CNTLN: variants seen among roughly 807,000 people sequenced by gnomAD.
CNTLN encodes centlein, centrosomal protein.
In CNTLN, 212 loss-of-function variants were observed where a neutral mutation model predicts 180.0. That is an observed-to-expected ratio of 1.18 (90% CI 1.05 to 1.32). The LOEUF is 1.32. CNTLN is among the 40% of genes most tolerant of loss of function. CNTLN has a pLI of 0.00. For missense variants in CNTLN, 2,095 were observed against 1,610.9 expected, an observed-to-expected ratio of 1.30 and a Z score of -5.14; for synonymous variants, 722 against 563.1, an observed-to-expected ratio of 1.28 and a Z score of -3.99.
At chr9:17,430,612 A>G (rs1953105) in intron 18 of CNTLN, among the ~76,000 whole-genome samples, 65,006 of 151,790 alleles carry the variant, frequency 0.43, 16,101 homozygotes, top group Non-Finnish European at 0.55. Flanking sequence ...TGCTAACTGT[A>G]GTTGCCCTAC....
At chr9:17,197,549 A>G (rs1484235292) in intron 2 of CNTLN, among the ~76,000 whole-genome samples, 1 of 152,134 alleles carries the variant, frequency 6.6e-6, no homozygotes, top group Non-Finnish European at 1.5e-5. Flanking sequence ...TGAGAAATAT[A>G]TATTCAGATC....
Position 17,492,597 on chromosome 9 carries a change from TAGG to T in CNTLN, c.4119+5535_4119+5537del, listed in dbSNP as rs376991446. Among the ~76,000 whole-genome samples, 619 of 152,264 alleles carry T rather than the reference TAGG, an allele frequency of 4.1e-3. 4 individuals carry two copies. The highest frequency in any genetic ancestry group is 0.014 in the African/African-American group (595 of 41,564). ...TCTAAAGTAGGAAATTAATAAGTGT[TAGG>T]AGGCAGAGAAAATTGTACACTTGTA... On this transcript the variant is annotated intron_variant, in intron 25 of 25. Coordinates refer to ENST00000380647, the MANE Select transcript of CNTLN (RefSeq NM_017738.4).
chr9:17,192,654 T>C (rs1041093494), intron 2 of CNTLN, among the ~76,000 whole-genome samples: 5 of 152,194 alleles, frequency 3.3e-5, no homozygotes, highest in African/African-American at 4.8e-5. Context: ...TTTGAAATCT[T>C]GCAGTATGGT....
chr9:17,288,854 T>G (rs1335738169), intron 6 of CNTLN, among the ~76,000 whole-genome samples: 1 of 123,874 alleles, frequency 8.1e-6, no homozygotes, highest in Non-Finnish European at 1.7e-5. Context: ...TGTTTTCCAT[T>G]TGCTTGGTAG....
At chr9:17,494,845 T>C (rs1390990401) in intron 25 of CNTLN, 1 of 402,046 alleles carries the variant, frequency 2.5e-6, no homozygotes, top group African/African-American at 2.1e-5. Flanking sequence ...AATAAATGTC[T>C]GTTACTAGTT....
intron 6 of CNTLN, among the ~76,000 whole-genome samples, chr9:17,293,622 C>T (rs557792860): frequency 6.6e-6 from 1 of 152,320 alleles, no homozygotes; most frequent in South Asian, 2.1e-4. Context: ...ATCTAGTCTT[C>T]CTGGCACTGG....
At chr9:17,157,158 T>G (rs568151496) in intron 2 of CNTLN, among the ~76,000 whole-genome samples, 1 of 152,340 alleles carries the variant, frequency 6.6e-6, no homozygotes, top group East Asian at 1.9e-4. Flanking sequence ...CCAGCATGTT[T>G]TGAGAAGACT....
chr9:17,168,466 G>A (rs1820226606), intron 2 of CNTLN: 1 of 152,060 alleles, frequency 6.6e-6, no homozygotes, highest in African/African-American at 2.4e-5. Context: ...TGGTGGTGGT[G>A]GTTGTTTTTT....
intron 18 of CNTLN, among the ~76,000 whole-genome samples, chr9:17,430,700 G>A (rs959607246): frequency 4.1e-4 from 63 of 151,902 alleles, no homozygotes; most frequent in Admixed American, 3.9e-3. Flanking sequence ...TCTTCACCCC[G>A]ACGCCTGCCA....
At chr9:17,364,279 C>T (rs1250555760) in intron 12 of CNTLN, among the ~76,000 whole-genome samples, 1 of 152,084 alleles carries the variant, frequency 6.6e-6, no homozygotes, top group Non-Finnish European at 1.5e-5. Flanking sequence ...CTTCTTATTG[C>T]AACATGTTTT....
chr9:17,156,676 A>C (rs1374633598), intron 2 of CNTLN, among the ~76,000 whole-genome samples: 1 of 152,184 alleles, frequency 6.6e-6, no homozygotes, highest in Non-Finnish European at 1.5e-5. Flanking sequence ...AGATGTTACT[A>C]TTTACAAGGC....
At chr9:17,386,890 A>G (rs1013109159) in intron 13 of CNTLN, among the ~76,000 whole-genome samples, 3 of 152,238 alleles carry the variant, frequency 2.0e-5, no homozygotes, top group African/African-American at 4.8e-5. Context: ...TTGTATTTGC[A>G]TATTATTTCT....
chr9:17,312,004 G>A (rs549036950), intron 8 of CNTLN, among the ~76,000 whole-genome samples: 60 of 59,710 alleles, frequency 1.0e-3, no homozygotes, highest in Non-Finnish European at 2.4e-3. Flanking sequence ...ATAGTCAATA[G>A]AACAAAGTCC....
intron 2 of CNTLN, among the ~76,000 whole-genome samples, chr9:17,207,018 C>G (rs1393626364): frequency 2.0e-5 from 3 of 152,114 alleles, no homozygotes; most frequent in Non-Finnish European, 4.4e-5. Context: ...ACTCTGGAGC[C>G]CAGGCTGTTG....
the CNTLN span, among the ~76,000 whole-genome samples, chr9:17,509,880 C>G: frequency 6.6e-6 from 1 of 152,084 alleles, no homozygotes. Flanking sequence ...GATTTCATTG[C>G]ACTGGAATTT....
intron 1 of CNTLN, among the ~76,000 whole-genome samples, chr9:17,139,570 G>A (rs1299031227): frequency 6.6e-6 from 1 of 151,688 alleles, no homozygotes; most frequent in Non-Finnish European, 1.5e-5. Flanking sequence ...TGAGGCAGGA[G>A]AATTGCTTGA....
intron 8 of CNTLN, among the ~76,000 whole-genome samples, chr9:17,312,369 TATA>T: frequency 2.9e-5 from 1 of 34,388 alleles, no homozygotes; most frequent in South Asian, 5.2e-4. Flanking sequence ...ATATATTATA[TATA>T]TATATATATA....
At chr9:17,417,339 C>T (rs1426458893) in intron 18 of CNTLN, among the ~76,000 whole-genome samples, 1 of 151,954 alleles carries the variant, frequency 6.6e-6, no homozygotes, top group African/African-American at 2.4e-5. Flanking sequence ...CGCTTCCTTT[C>T]TTTCTTCTCT....
chr9:17,179,949 G>A (rs1180440965), intron 2 of CNTLN, among the ~76,000 whole-genome samples: 1 of 151,720 alleles, frequency 6.6e-6, no homozygotes, highest in Non-Finnish European at 1.5e-5. Flanking sequence ...AATTTTCTTT[G>A]CTCTGAAGTA....
Sources: gnomAD v4.1 joint callset for allele counts (sites outside exome capture counted in the v4.1 genomes callset) on GRCh38, gnomAD v4.1.1 for gene constraint, MANE v1.5 for transcripts, NCBI Gene and HGNC (gene_info 2026-07-23, HGNC 2026-07-21) for gene names.